SPTB: variants seen among roughly 807,000 people sequenced by gnomAD.
SPTB encodes the protein spectrin beta, erythrocytic, also known as spectrin beta chain, erythrocytic.
In SPTB, 45 loss-of-function variants were observed where a neutral mutation model predicts 256.2. That is an observed-to-expected ratio of 0.18 (90% CI 0.14 to 0.23). The LOEUF is 0.23. SPTB is among the 10% of genes least tolerant of loss of function. SPTB has a pLI of 1.00. For missense variants in SPTB, 2,715 were observed against 3,040.4 expected (o/e 0.89, Z 2.52); for synonymous variants, 1,231 against 1,243.1 (o/e 0.99, Z 0.21).
At position 64,763,835 on chromosome 14, in the gene SPTB, G is replaced by A. The variant is rs369007060; in HGVS notation, c.6345+2891C>T. ...AGAGGTGAGGGAAGGCGGTGGGACCGTGCAGTGATGTGCTTGAGAAAGAGG... is the reference window on the plus strand; with the variant it reads ...AGAGGTGAGGGAAGGCGGTGGGACCATGCAGTGATGTGCTTGAGAAAGAGG... On this transcript the variant is annotated intron_variant, in intron 32 of 35. Transcript: ENST00000644917. The A allele has an allele frequency of 1.4e-4, 72 of 518,958 alleles. No individual in the cohort carries two copies. The East Asian group carries it at 2.5e-3, about 18-fold the overall frequency. 32.1% of individuals were successfully genotyped at this position (518,958 alleles called of 1,614,324 possible). A position where few individuals can be genotyped will look rare whatever the true frequency, so the allele number is the denominator to read the frequency against.
At chr14:64,811,256 G>A (rs147859393) in intron 2 of SPTB, among the ~76,000 whole-genome samples, 20 of 152,330 alleles carry the variant, frequency 1.3e-4, no homozygotes, top group Non-Finnish European at 2.4e-4. Flanking sequence ...GACCAGTAAT[G>A]TGAACAAAGA....
At chr14:64,752,303 C>G in intron 33 of SPTB, 1 of 1,284,150 alleles carries the variant, frequency 7.8e-7, no homozygotes, top group Non-Finnish European at 1.0e-6. Context: ...TCTCCTCTCC[C>G]TCTTCTCCCT....
At chr14:64,856,356 GGA>G (rs2083872447) in intron 1 of SPTB, among the ~76,000 whole-genome samples, 1 of 152,130 alleles carries the variant, frequency 6.6e-6, no homozygotes, top group Non-Finnish European at 1.5e-5. Context: ...CCTTCTGTAG[GGA>G]GAGAGGAGCT....
At chr14:64,814,287 AT>A (rs2083147156) in intron 2 of SPTB, among the ~76,000 whole-genome samples, 1 of 152,184 alleles carries the variant, frequency 6.6e-6, no homozygotes, top group African/African-American at 2.4e-5. Context: ...ATGAAAAGAT[AT>A]TCATAGCATA....
rs926745915 is a variant in SPTB, at chr14:64,767,996, G to A, written c.6023-137C>T. The A allele has an allele frequency of 1.4e-5, 13 of 922,576 alleles. No individual in the cohort carries two copies. The African/African-American group carries it at 1.8e-4, about 13-fold the overall frequency. 57.1% of individuals were successfully genotyped at this position (922,576 alleles called of 1,614,324 possible). ...CCTAAACCACATGGATACGCTTGCT[G>A]CCTGCAGCCACCCCATTCCACACTG... On this transcript the variant is annotated intron_variant, in intron 29 of 35. Coordinates refer to ENST00000644917, the MANE Select transcript of SPTB (RefSeq NM_001355436.2).
At position 64,786,066 on chromosome 14, in the gene SPTB, C is replaced by G; in HGVS notation, c.3562-115G>C. 9.2e-7 allele frequency: 1 copy of G among 1,086,274 alleles called. No homozygotes were observed. Among genetic ancestry groups the G allele is most frequent in the South Asian group, 1.3e-5 (1 of 78,490 alleles). The allele number at this position is 1,086,274 out of a possible 1,614,324, so 67.3% of individuals were successfully genotyped here. On this transcript the variant is annotated intron_variant, in intron 16 of 35. Transcript: ENST00000644917. The surrounding 1 kb of genome is among the most constrained non-coding windows in gnomAD (Gnocchi z 5.6). ...ACAGGCCACGGTATGAATGAGCCCC[C>G]TAGAGTAGTACAGGGAGGAGGCACT...
At chr14:64,809,430 C>T (rs542594335) in intron 2 of SPTB, among the ~76,000 whole-genome samples, 2 of 151,628 alleles carry the variant, frequency 1.3e-5, no homozygotes, top group South Asian at 4.2e-4. Flanking sequence ...ACTGCAACCT[C>T]CGCCTCCCGA....
rs983834295 is a variant in SPTB at position 64,824,003 on chromosome 14, C to G, written c.-51-858G>C. On this transcript the variant is annotated intron_variant, in intron 1 of 35. Coordinates refer to ENST00000644917, the MANE Select transcript of SPTB (RefSeq NM_001355436.2). This position sits in a 1 kb window ranked among gnomAD's most constrained non-coding sequence, Gnocchi z 5.7. ...CCGTCATCAGTCATTCCTACTCACT[C>G]ATTCATTCATTTACAGTTAATTCAA... Among the ~76,000 whole-genome samples, 1 of 152,206 alleles carries G rather than the reference C, an allele frequency of 6.6e-6. No individual in the cohort carries two copies. The highest frequency in any genetic ancestry group is 1.5e-5 in the Non-Finnish European group (1 of 68,034).
chr14:64,800,532 C>T (rs945152667), intron 8 of SPTB, among the ~76,000 whole-genome samples: 5 of 152,164 alleles, frequency 3.3e-5, no homozygotes, highest in Non-Finnish European at 7.3e-5. Flanking sequence ...ACCAGGTGTT[C>T]GCCAGGTACA....
intron 1 of SPTB, among the ~76,000 whole-genome samples, chr14:64,861,256 C>T (rs1390637464): frequency 6.6e-6 from 1 of 152,126 alleles, no homozygotes; most frequent in Non-Finnish European, 1.5e-5. Flanking sequence ...CAGCAAACCA[C>T]CATGGCACAT....
rs944760592 is a variant in SPTB, at chr14:64,824,139, TAAAC to T, written c.-51-998_-51-995del. Among the ~76,000 whole-genome samples, 1 of 152,094 alleles carries T rather than the reference TAAAC, an allele frequency of 6.6e-6. No individual in the cohort carries two copies. Among genetic ancestry groups the T allele is most frequent in the Non-Finnish European group, 1.5e-5 (1 of 68,006 alleles). ...GAATCTGGTGGCAGAGACACACAAT[TAAAC>T]AAGCAACTACAAGAAGGTGTGATGT... On this transcript the variant is annotated intron_variant, in intron 1 of 35. Coordinates refer to ENST00000644917, the MANE Select transcript of SPTB (RefSeq NM_001355436.2). The surrounding 1 kb of genome is among the most constrained non-coding windows in gnomAD (Gnocchi z 5.7).
Position 64,802,819 on chromosome 14 carries a change from T to C in SPTB, c.475-502A>G, listed in dbSNP as rs1375599490. Among the ~76,000 whole-genome samples the C allele has an allele frequency of 3.3e-5, 5 of 152,298 alleles. No homozygotes were observed. In the East Asian group the frequency reaches 9.6e-4, roughly 29 times the overall value. ...TGGCACAGGGATGAGACAGCTGTAA[T>C]TGGATAACTCTAATAGAATGCAGAG... is the stretch of plus-strand genomic sequence containing the variant. On this transcript the variant is annotated intron_variant, in intron 4 of 35. Transcript: ENST00000644917. The surrounding 1 kb of genome is among the most constrained non-coding windows in gnomAD (Gnocchi z 5.1).
At position 64,782,440 on chromosome 14, in the gene SPTB, G is replaced by C. The variant is rs1302831915; in HGVS notation, c.4116C>G (p.Thr1372=). Residue 1372 remains threonine (T), a synonymous_variant, in exon 20 of 36, where the codon ACC becomes ACG. Transcript: ENST00000644917. The part of the protein sequence containing the change: ...DELQATTKEK[T]QHLSAARSSD... ...AGCTCCTGGCAGCCGAGAGGTGCTG[G>C]GTCTTCTCCTTTGTGGTGGCCTGCA... 6.2e-7 allele frequency: 1 copy of C among 1,614,024 alleles called. No individual in the cohort carries two copies. Among genetic ancestry groups the C allele is most frequent in the African/African-American group, 1.3e-5 (1 of 74,926 alleles).
At chr14:64,849,123 G>A (rs2083739064) in intron 1 of SPTB, among the ~76,000 whole-genome samples, 1 of 152,208 alleles carries the variant, frequency 6.6e-6, no homozygotes. Flanking sequence ...CCTCCTTTGT[G>A]TAAATATTCA....
At chr14:64,754,041 C>CT in intron 32 of SPTB, 1 of 603,914 alleles carries the variant, frequency 1.7e-6, no homozygotes, top group Non-Finnish European at 3.0e-6. Context: ...TGCAGGGTGG[C>CT]CCCCTCTCTC....
intron 1 of SPTB, among the ~76,000 whole-genome samples, chr14:64,843,330 G>A (rs2083637166): frequency 6.6e-6 from 1 of 152,064 alleles, no homozygotes; most frequent in South Asian, 2.1e-4. Flanking sequence ...AGAGATGCTT[G>A]GGGCAGGATG....
At chr14:64,803,255 A>G (rs1246952703) in intron 4 of SPTB, among the ~76,000 whole-genome samples, 1 of 152,216 alleles carries the variant, frequency 6.6e-6, no homozygotes, top group African/African-American at 2.4e-5. Context: ...GATCTTCTAC[A>G]CAATTTTTGC....
chr14:64,862,663 C>T (rs561389019), intron 1 of SPTB, among the ~76,000 whole-genome samples: 5 of 152,054 alleles, frequency 3.3e-5, no homozygotes, highest in African/African-American at 1.2e-4. Context: ...AACCTGAGGT[C>T]AGGAGTTCAA....
In SPTB at chr14:64,824,317, G is replaced by A. The variant is rs1275151375; in HGVS notation, c.-51-1172C>T. ...CAAGCAAAGGGAATAAAGAGTAGGT[G>A]TAAAGTCCTGAAGGTAAGAAAGAAC... On this transcript the variant is annotated intron_variant, in intron 1 of 35. Transcript: ENST00000644917. This position sits in a 1 kb window ranked among gnomAD's most constrained non-coding sequence, Gnocchi z 5.7. 1.3e-5 allele frequency among the ~76,000 whole-genome samples: 2 copies of A among 152,138 alleles called. No individual in the cohort carries two copies. The highest frequency in any genetic ancestry group is 4.8e-5 in the African/African-American group (2 of 41,420).
Sources: gnomAD v4.1 joint callset for allele counts (sites outside exome capture counted in the v4.1 genomes callset) on GRCh38, gnomAD v4.1.1 for gene constraint, Gnocchi (gnomAD v3.1) non-coding constraint, MANE v1.5 for transcripts, NCBI Gene and HGNC (gene_info 2026-07-23, HGNC 2026-07-21) for gene names.